The following LCN15 variants were observed in gnomAD, a reference collection of about 807,000 sequenced individuals.
The protein encoded by LCN15 is lipocalin 15, also known as lipocalin-15.
In LCN15, 26 loss-of-function variants were observed where a neutral mutation model predicts 23.1. The ratio of observed to expected loss-of-function variants is 1.13; its 90% CI spans 0.82 to 1.56. LCN15 has a LOEUF of 1.56. Ranked by LOEUF, LCN15 falls within the 40% of genes most tolerant of loss-of-function variation. The pLI, the probability that LCN15 is intolerant of heterozygous loss-of-function variation, is 0.00. For synonymous variants in LCN15, 107 were observed against 98.3 expected, an observed-to-expected ratio of 1.09 and a Z score of -0.52; for missense variants, 241 against 239.5, an observed-to-expected ratio of 1.01 and a Z score of -0.04.
rs551891049 is a variant in LCN15, at chr9:136,763,970, A to C, written c.136T>G (p.Cys46Gly). 3 of 1,613,454 alleles carry C rather than the reference A, an allele frequency of 1.9e-6. No homozygotes were observed. Among genetic ancestry groups the C allele is most frequent in the African/African-American group, 2.7e-5 (2 of 75,010 alleles). The change falls in exon 2 of 7, where the codon TGC becomes GGC. Residue 46 changes from cysteine (C) to glycine (G), a missense_variant. Coordinates refer to ENST00000316144, the MANE Select transcript of LCN15 (RefSeq NM_203347.2). ...TCCTTCTTGCCCAGGAAGACCCTGC[A>C]GTCAGATGCCATGGAGACCACGTAC... ...LWYVVSMASD[C>G]RVFLGKKDHL...
rs2131099031 is a variant in LCN15 at position 136,761,881 on chromosome 9, G to A, written c.521-28C>T. 7.5e-7 allele frequency: 1 copy of A among 1,333,884 alleles called. No individual in the cohort carries two copies. The highest frequency in any genetic ancestry group is 9.6e-7 in the Non-Finnish European group (1 of 1,041,220). 82.6% of individuals were successfully genotyped at this position (1,333,884 alleles called of 1,614,324 possible). Reference sequence around the variant, plus strand: ...GTGGGGAGGAAGACATCCGTGAGATGCTGACGGCCAGGACCGCCCTCGCTT... The same window carrying A: ...GTGGGGAGGAAGACATCCGTGAGATACTGACGGCCAGGACCGCCCTCGCTT... On this transcript the variant is annotated intron_variant, in intron 5 of 6. Transcript: ENST00000316144. The surrounding 1 kb of genome is among the most constrained non-coding windows in gnomAD (Gnocchi z 4.2).
intron 4 of LCN15, 126 bp downstream of exon 4, chr9:136,763,231 G>C (rs1354238172): frequency 1.7e-6 from 1 of 585,812 alleles, no homozygotes. Context: ...GGGCGGAGGG[G>C]TGAGGGCGGG....
intron 6 of LCN15, 28 bp from the exon 7 acceptor site, chr9:136,759,811 T>C (rs977952684): frequency 6.6e-6 from 1 of 152,226 alleles, no homozygotes; most frequent in Non-Finnish European, 1.5e-5. Context: ...GCCTACTCCA[T>C]CACCCACTCC....
At position 136,761,848 on chromosome 9, in the gene LCN15, A is replaced by G; in HGVS notation, c.526T>C (p.Cys176Arg). The change falls in exon 6 of 7, where the codon TGC becomes CGC. Residue 176 changes from cysteine to arginine, a missense_variant. Coordinates refer to ENST00000316144, the MANE Select transcript of LCN15 (RefSeq NM_203347.2). This position sits in a 1 kb window ranked among gnomAD's most constrained non-coding sequence, Gnocchi z 4.2. ...GGCGCCTCCTTGCTCTCAGGGTTGCATGCATCTGTGGGGAGGAAGACATCC... is the reference window on the plus strand; with the variant it reads ...GGCGCCTCCTTGCTCTCAGGGTTGCGTGCATCTGTGGGGAGGAAGACATCC... The part of the protein sequence containing the change: ...MMVMLPQSDA[C>R]NPESKEAP 1 of 1,324,920 alleles carries G rather than the reference A, an allele frequency of 7.5e-7. No homozygotes were observed. 82.1% of individuals were successfully genotyped at this position (1,324,920 alleles called of 1,614,324 possible).
At chr9:136,764,135 G>A in intron 1 of LCN15, 126 bp from the exon 2 acceptor site, 3 of 1,213,768 alleles carry the variant, frequency 2.5e-6, no homozygotes, top group Non-Finnish European at 3.5e-6. Flanking sequence ...TCTTGGGTGT[G>A]AGCTGAGCCC....
intron 4 of LCN15, among the ~76,000 whole-genome samples, chr9:136,763,054 ACCT>A (rs1484369440): frequency 6.6e-6 from 1 of 150,752 alleles, no homozygotes. Context: ...CCCCAAGCCA[ACCT>A]CCTCCACATC....
intron 3 of LCN15, 35 bp downstream of exon 3, chr9:136,763,678 C>G (rs759676813): frequency 2.5e-6 from 4 of 1,607,382 alleles, no homozygotes; most frequent in Non-Finnish European, 3.4e-6. Flanking sequence ...GAAGCGGCAT[C>G]CAGCACCCCT....
intron 5 of LCN15, 137 bp downstream of exon 5, chr9:136,762,051 G>A (rs1847323580): frequency 2.7e-6 from 2 of 742,804 alleles, no homozygotes; most frequent in African/African-American, 1.8e-5. Context: ...GGCTGCAGGG[G>A]CTGCCAGCCC....
At chr9:136,759,924 A>C (rs75168451) in intron 6 of LCN15, 141 bp from the exon 7 acceptor site, 1 of 149,348 alleles carries the variant, frequency 6.7e-6, no homozygotes, top group East Asian at 2.0e-4. Flanking sequence ...AACTCCTGCA[A>C]ACCTGGAAAC....
rs1291396535 is a variant in LCN15 at position 136,762,288 on chromosome 9, G to A, written c.420C>T (p.Ser140=). Residue 140 remains serine, a splice_region_variant and synonymous_variant, in exon 5 of 7, where the codon AGC becomes AGT. Coordinates refer to ENST00000316144, the MANE Select transcript of LCN15 (RefSeq NM_203347.2). ...CCTGGGGACTCACATCCTGGGTCCG[G>A]CCTGGGCAGAGCAGAGGTCACTGTG... The part of the protein sequence containing the change: ...GALSTMVQLY[S]RTQDVSPQAL... The A allele has an allele frequency of 1.9e-6, 3 of 1,565,574 alleles. No homozygotes were observed. Among genetic ancestry groups the A allele is most frequent in the East Asian group, 2.3e-5 (1 of 42,872 alleles).
Position 136,763,869 on chromosome 9 carries a change from C to T in LCN15, c.236+1G>A, listed in dbSNP as rs1204766351. Reference sequence around the variant, plus strand: ...CAGGCAGCCCAGCCCAAGTAACTCACCCCGGGAACTCCATGTGGACGTGGA... The same window carrying T: ...CAGGCAGCCCAGCCCAAGTAACTCATCCCGGGAACTCCATGTGGACGTGGA... On this transcript the variant is annotated splice_donor_variant, in intron 2 of 6. Transcript: ENST00000316144. LOFTEE classifies it high-confidence loss of function. 1 of 1,613,586 alleles carries T rather than the reference C, an allele frequency of 6.2e-7. No individual in the cohort carries two copies. Among genetic ancestry groups the T allele is most frequent in the Admixed American group, 1.7e-5 (1 of 60,016 alleles).
intron 3 of LCN15, 102 bp from the exon 4 acceptor site, chr9:136,763,569 C>G: frequency 8.0e-7 from 1 of 1,248,346 alleles, no homozygotes; most frequent in South Asian, 1.4e-5. Context: ...AGCCTGTTCC[C>G]CGAAGACAGA....
chr9:136,762,967 A>G (rs924228586), intron 4 of LCN15, among the ~76,000 whole-genome samples: 16 of 149,446 alleles, frequency 1.1e-4, no homozygotes, highest in African/African-American at 3.7e-4. Flanking sequence ...CCCAGAACTC[A>G]GGCAGCGAGG....
At chr9:136,763,296 G>C in intron 4 of LCN15, 61 bp downstream of exon 4, 3 of 955,890 alleles carry the variant, frequency 3.1e-6, no homozygotes, top group Non-Finnish European at 4.5e-6. Flanking sequence ...GGCAGAACGG[G>C]GGGCGGGGCC....
At chr9:136,760,840 C>A (rs1282371451) in intron 6 of LCN15, among the ~76,000 whole-genome samples, 1 of 152,220 alleles carries the variant, frequency 6.6e-6, no homozygotes, top group East Asian at 1.9e-4. Context: ...TGAATCGTGT[C>A]CCCAAAACTT....
intron 1 of LCN15, 110 bp from the exon 2 acceptor site, chr9:136,764,119 G>T: frequency 7.1e-7 from 1 of 1,410,316 alleles, no homozygotes; most frequent in Non-Finnish European, 9.7e-7. Context: ...TCTCGGAGTG[G>T]CCATGTCTTG....
Position 136,763,708 on chromosome 9 carries a change from C to T in LCN15, c.307+5G>A, listed in dbSNP as rs1227426513. 6.2e-7 allele frequency: 1 copy of T among 1,613,126 alleles called. No homozygotes were observed. The highest frequency in any genetic ancestry group is 8.5e-7 in the Non-Finnish European group (1 of 1,179,844). On this transcript the variant is annotated splice_donor_5th_base_variant and intron_variant, in intron 3 of 6. Coordinates refer to ENST00000316144, the MANE Select transcript of LCN15 (RefSeq NM_203347.2). Reference sequence around the variant, plus strand: ...ACCCCTGAAGGCAGAGGAGGCAGGACCTACCCGGGACTCTGAAGTGTCCCT... The same window carrying T: ...ACCCCTGAAGGCAGAGGAGGCAGGATCTACCCGGGACTCTGAAGTGTCCCT...
At chr9:136,760,851 C>T (rs1208457490) in intron 6 of LCN15, among the ~76,000 whole-genome samples, 1 of 152,220 alleles carries the variant, frequency 6.6e-6, no homozygotes, top group African/African-American at 2.4e-5. Flanking sequence ...CCCAAAACTT[C>T]AGGCCCACCT....
rs201012564 is a variant in LCN15 at position 136,764,015 on chromosome 9, G to A, written c.97-6C>T. On this transcript the variant is annotated splice_polypyrimidine_tract_variant and splice_region_variant and intron_variant, in intron 1 of 6. Transcript: ENST00000316144. ...ACGTACCAGAGGCCTGAGAACTGCC[G>A]GGGGCTTAGTCACCCGCAGGCCAGG... 82 of 1,611,846 alleles carry A rather than the reference G, an allele frequency of 5.1e-5. No homozygotes were observed. In the Middle Eastern group the frequency reaches 6.6e-4, roughly 13 times the overall value.
Sources: allele counts gnomAD v4.1 joint callset (sites outside exome capture counted in the v4.1 genomes callset), GRCh38; gene constraint gnomAD v4.1.1; non-coding constraint Gnocchi (gnomAD v3.1); transcripts MANE v1.5; gene names NCBI Gene and HGNC (gene_info 2026-07-23, HGNC 2026-07-21).